The following SLC25A21 variants were observed in gnomAD, a reference collection of about 807,000 sequenced individuals.
SLC25A21 encodes mitochondrial 2-oxodicarboxylate carrier.
SLC25A21 carries 47 observed loss-of-function variants against 43.8 expected under a neutral mutation model. The observed-to-expected ratio is 1.07, with a 90% CI of 0.85 to 1.37. SLC25A21 has a LOEUF of 1.37. Ranked by LOEUF, SLC25A21 falls within the 40% of genes most tolerant of loss-of-function variation. The pLI is 0.00. For synonymous variants in SLC25A21, 131 were observed against 121.3 expected, an observed-to-expected ratio of 1.08 and a Z score of -0.52; for missense variants, 352 against 350.2, an observed-to-expected ratio of 1.00 and a Z score of -0.04.
chr14:36,992,918 C>T (rs1960295289), intron 1 of SLC25A21, among the ~76,000 whole-genome samples: 1 of 152,084 alleles, frequency 6.6e-6, no homozygotes, highest in South Asian at 2.1e-4. Flanking sequence ...GGAATGTTTC[C>T]CTTTGTAAAA....
chr14:37,144,956 T>TTGTTG lies in SLC25A21; in HGVS notation c.70+27324_70+27325insCAACA, dbSNP rs764673028. Among the ~76,000 whole-genome samples, 3 of 128,916 alleles carry TTGTTG rather than the reference T, an allele frequency of 2.3e-5. No individual in the cohort carries two copies. The Admixed American group carries it at 2.3e-4, about 10-fold the overall frequency. The allele number at this position is 128,916 out of a possible 152,430, so 84.6% of individuals were successfully genotyped here. The stretch of plus-strand genomic sequence containing the variant: ...GTTGTTGTTGTTGTTGTTGTTGTTG[T>TTGTTG]TTGTTTGTTTTTAATATTTGGAAGA... On this transcript the variant is annotated intron_variant, in intron 1 of 9. Coordinates refer to ENST00000331299, the MANE Select transcript of SLC25A21 (RefSeq NM_030631.4).
intron 7 of SLC25A21, among the ~76,000 whole-genome samples, chr14:36,685,938 CCCCA>C (rs1390406358): frequency 6.6e-6 from 1 of 152,140 alleles, no homozygotes; most frequent in Admixed American, 6.5e-5. Context: ...GACTCCGACC[CCCCA>C]CCCTATCTTT....
intron 1 of SLC25A21, among the ~76,000 whole-genome samples, chr14:37,138,153 C>T (rs1299549430): frequency 6.6e-6 from 1 of 152,100 alleles, no homozygotes; most frequent in Admixed American, 6.6e-5. Context: ...CACCCCTAAA[C>T]ACGCATTTAT....
intron 3 of SLC25A21, among the ~76,000 whole-genome samples, chr14:36,776,752 A>G (rs1311772230): frequency 6.6e-6 from 1 of 152,154 alleles, no homozygotes; most frequent in East Asian, 1.9e-4. Context: ...CTCTCAGCAT[A>G]TAATATTGCC....
chr14:36,936,838 A>G (rs1303243580), intron 1 of SLC25A21, among the ~76,000 whole-genome samples: 1 of 152,180 alleles, frequency 6.6e-6, no homozygotes, highest in African/African-American at 2.4e-5. Context: ...TTTGATATTC[A>G]TTGAGAAACA....
At chr14:36,893,626 T>C (rs1231436264) in intron 1 of SLC25A21, among the ~76,000 whole-genome samples, 1 of 152,230 alleles carries the variant, frequency 6.6e-6, no homozygotes, top group African/African-American at 2.4e-5. Context: ...TCCATGCCTA[T>C]GTCCTGAATG....
intron 2 of SLC25A21, among the ~76,000 whole-genome samples, chr14:36,826,336 A>C: frequency 6.6e-6 from 1 of 152,142 alleles, no homozygotes; most frequent in African/African-American, 2.4e-5. Context: ...TGGGCAGGCG[A>C]GTCCCTAGAC....
At chr14:36,977,222 G>A (rs1045417492) in intron 1 of SLC25A21, among the ~76,000 whole-genome samples, 10 of 151,980 alleles carry the variant, frequency 6.6e-5, no homozygotes, top group South Asian at 4.2e-4. Flanking sequence ...AATAGTTTTC[G>A]TTTTGTAATT....
intron 1 of SLC25A21, among the ~76,000 whole-genome samples, chr14:37,163,840 A>G (rs1963989565): frequency 6.6e-6 from 1 of 152,222 alleles, no homozygotes; most frequent in African/African-American, 2.4e-5. Context: ...GTATTATCTA[A>G]TGACTAGAAT....
In SLC25A21 at chr14:37,172,344, C is replaced by T; in HGVS notation, c.7G>A (p.Ala3Thr). 6.3e-7 allele frequency: 1 copy of T among 1,597,950 alleles called. No homozygotes were observed. Among genetic ancestry groups the T allele is most frequent in the Non-Finnish European group, 8.5e-7 (1 of 1,172,280 alleles). Residue 3 changes from alanine to threonine, a missense_variant, in exon 1 of 10, where the codon GCC (alanine) becomes ACC (threonine). Ala to Thr is a moderately conservative substitution (Grantham distance 58). Coordinates refer to ENST00000331299, the MANE Select transcript of SLC25A21 (RefSeq NM_030631.4). ...CGCACTAAGCTGACTTCAGGCTTGG[C>T]GGACATCTTCGCCAGGCGGGAGGAC... MS[A>T]KPEVSLVREA... is the part of the protein sequence containing the mutation.
At chr14:36,884,415 G>A (rs898436108) in intron 1 of SLC25A21, among the ~76,000 whole-genome samples, 3 of 152,118 alleles carry the variant, frequency 2.0e-5, no homozygotes, top group Admixed American at 6.6e-5. Context: ...TGACTACTGT[G>A]AATAATGCTA....
At chr14:36,697,661 G>A (rs1322749941) in intron 7 of SLC25A21, among the ~76,000 whole-genome samples, 1 of 151,518 alleles carries the variant, frequency 6.6e-6, no homozygotes, top group African/African-American at 2.4e-5. Flanking sequence ...TTACCATTAT[G>A]TAATGGCCTT....
At chr14:37,159,649 T>G (rs1963906549) in intron 1 of SLC25A21, among the ~76,000 whole-genome samples, 1 of 152,132 alleles carries the variant, frequency 6.6e-6, no homozygotes, top group African/African-American at 2.4e-5. Context: ...GGGAAAACTT[T>G]CCTGGACATT....
intron 1 of SLC25A21, among the ~76,000 whole-genome samples, chr14:36,898,644 C>A (rs952543109): frequency 6.6e-6 from 1 of 152,156 alleles, no homozygotes; most frequent in African/African-American, 2.4e-5. Context: ...GAGCTGTAGA[C>A]TGGAGCTGTT....
intron 7 of SLC25A21, among the ~76,000 whole-genome samples, chr14:36,708,096 C>T (rs2415360): frequency 0.64 from 97,182 of 152,098 alleles, 31,770 homozygotes; most frequent in East Asian, 0.88. Context: ...AAAAACTAAC[C>T]AAATAAATGA....
intron 3 of SLC25A21, among the ~76,000 whole-genome samples, chr14:36,739,129 C>T (rs574729072): frequency 9.9e-5 from 15 of 152,098 alleles, no homozygotes; most frequent in African/African-American, 3.1e-4. Context: ...TACAGCAATA[C>T]CTTATCATTT....
chr14:37,023,819 G>A (rs564933279), intron 1 of SLC25A21, among the ~76,000 whole-genome samples: 53 of 151,904 alleles, frequency 3.5e-4, no homozygotes, highest in African/African-American at 1.1e-3. Flanking sequence ...CTCCTGCACC[G>A]AGAATGGAGC....
chr14:36,726,067 T>C (rs1334230313), intron 5 of SLC25A21, among the ~76,000 whole-genome samples: 1 of 152,234 alleles, frequency 6.6e-6, no homozygotes, highest in East Asian at 1.9e-4. Flanking sequence ...AATTCCTTTA[T>C]TGAGCATATA....
intron 3 of SLC25A21, among the ~76,000 whole-genome samples, chr14:36,745,155 C>A (rs1885440772): frequency 6.6e-6 from 1 of 151,986 alleles, no homozygotes; most frequent in Non-Finnish European, 1.5e-5. Context: ...CATCCATGTC[C>A]CTGAAAAGGA....
Sources: gnomAD v4.1 joint callset for allele counts (sites outside exome capture counted in the v4.1 genomes callset) on GRCh38, gnomAD v4.1.1 for gene constraint, MANE v1.5 for transcripts, NCBI Gene and HGNC (gene_info 2026-07-23, HGNC 2026-07-21) for gene names.